FNDC3A: variants seen among roughly 807,000 people sequenced by gnomAD.
The protein encoded by FNDC3A is fibronectin type-III domain-containing protein 3A.
FNDC3A carries 32 observed loss-of-function variants against 148.9 expected under a neutral mutation model. The ratio of observed to expected loss-of-function variants is 0.21; its 90% CI spans 0.16 to 0.29. The LOEUF (loss-of-function observed/expected upper bound fraction) is 0.29. Ranked by LOEUF, FNDC3A falls within the 10% of genes least tolerant of loss-of-function variation. The pLI, the probability that FNDC3A is intolerant of heterozygous loss-of-function variation, is 1.00. For synonymous variants in FNDC3A, 472 were observed against 473.6 expected, an observed-to-expected ratio of 1.00 and a Z score of 0.04; for missense variants, 1,191 against 1,452.8, an observed-to-expected ratio of 0.82 and a Z score of 2.93.
chr13:49,119,212 CAG>C (rs1052275045), intron 4 of FNDC3A, among the ~76,000 whole-genome samples: 6 of 152,178 alleles, frequency 3.9e-5, no homozygotes, highest in Non-Finnish European at 7.3e-5. Flanking sequence ...CCCAGGCAAA[CAG>C]GGTCTGAGTG....
chr13:49,112,745 A>G (rs373312304), intron 3 of FNDC3A, among the ~76,000 whole-genome samples: 8 of 152,278 alleles, frequency 5.3e-5, no homozygotes, highest in African/African-American at 1.9e-4. Context: ...TTCCACATCT[A>G]GAAAATGGAG....
At chr13:49,016,512 C>G (rs1237497459) in intron 2 of FNDC3A, among the ~76,000 whole-genome samples, 1 of 151,806 alleles carries the variant, frequency 6.6e-6, no homozygotes, top group Admixed American at 6.6e-5. Context: ...ATTAGTCTTG[C>G]TAGTGGTCTA....
intron 1 of FNDC3A, among the ~76,000 whole-genome samples, chr13:48,979,411 A>G (rs1951660185): frequency 6.6e-6 from 1 of 152,188 alleles, no homozygotes; most frequent in Non-Finnish European, 1.5e-5. Flanking sequence ...AGTCAGAGGA[A>G]ACTTAGAAAT....
chr13:49,086,965 C>T (rs1878854323), intron 3 of FNDC3A, among the ~76,000 whole-genome samples: 1 of 152,084 alleles, frequency 6.6e-6, no homozygotes, highest in Non-Finnish European at 1.5e-5. Flanking sequence ...ATTCCGAGTA[C>T]ATTGTGTAAT....
At chr13:49,051,590 T>G (rs979924873) in intron 2 of FNDC3A, among the ~76,000 whole-genome samples, 1 of 152,226 alleles carries the variant, frequency 6.6e-6, no homozygotes, top group Admixed American at 6.5e-5. Flanking sequence ...TGCTTTTGCC[T>G]CACAGCTCTT....
At chr13:49,051,552 A>G (rs763074165) in intron 2 of FNDC3A, among the ~76,000 whole-genome samples, 5 of 152,184 alleles carry the variant, frequency 3.3e-5, no homozygotes, top group Admixed American at 6.5e-5. Context: ...TGTTAATCTG[A>G]TAAGTTTTCC....
intron 2 of FNDC3A, among the ~76,000 whole-genome samples, chr13:49,015,781 A>G (rs1206389791): frequency 1.3e-5 from 2 of 151,840 alleles, no homozygotes; most frequent in African/African-American, 2.4e-5. Context: ...CGTCCCATCA[A>G]TACCTAATTT....
chr13:49,069,903 A>G (rs1647943601), intron 2 of FNDC3A, among the ~76,000 whole-genome samples: 1 of 152,238 alleles, frequency 6.6e-6, no homozygotes, highest in South Asian at 2.1e-4. Flanking sequence ...ATTATAAGCA[A>G]AAGAAAGTAT....
At chr13:49,170,671 A>C (rs1364807090) in intron 10 of FNDC3A, among the ~76,000 whole-genome samples, 1 of 152,102 alleles carries the variant, frequency 6.6e-6, no homozygotes, top group East Asian at 1.9e-4. Context: ...ATCTGGGATG[A>C]TTTATTTGGT....
chr13:48,999,375 G>A (rs1952082838), intron 1 of FNDC3A, among the ~76,000 whole-genome samples: 1 of 152,198 alleles, frequency 6.6e-6, no homozygotes, highest in South Asian at 2.1e-4. Context: ...GGGAATGTCT[G>A]TCCTGTGCCT....
intron 2 of FNDC3A, among the ~76,000 whole-genome samples, chr13:49,007,944 C>T (rs1197821144): frequency 6.6e-6 from 1 of 152,068 alleles, no homozygotes; most frequent in Non-Finnish European, 1.5e-5. Flanking sequence ...CTGGACTGGC[C>T]TGATAGATCT....
At chr13:49,076,066 C>T (rs1160526756) in intron 3 of FNDC3A, among the ~76,000 whole-genome samples, 1 of 151,926 alleles carries the variant, frequency 6.6e-6, no homozygotes, top group African/African-American at 2.4e-5. Context: ...CTCTGGATAT[C>T]CCCAAATATT....
At position 48,986,385 on chromosome 13, in the gene FNDC3A, G is replaced by GTTTTTTTTTTTTTTTTT. The variant is rs869031197; in HGVS notation, c.-40+10220_-40+10236dup. On this transcript the variant is annotated intron_variant, in intron 1 of 25. Coordinates refer to ENST00000492622, the MANE Select transcript of FNDC3A (RefSeq NM_001079673.2). ...AAGACAGAGTAAGGAGAAGGAAGTT[G>GTTTTTTTTTTTTTTTTT]TTTTTTTTTTTTTTTTTTTTTTTTT... Among the ~76,000 whole-genome samples the GTTTTTTTTTTTTTTTTT allele has an allele frequency of 7.4e-5, 4 of 54,420 alleles. 1 individual carries two copies. Among genetic ancestry groups the GTTTTTTTTTTTTTTTTT allele is most frequent in the African/African-American group, 3.1e-4 (4 of 12,850 alleles). The allele number at this position is 54,420 out of a possible 152,430, so 35.7% of individuals were successfully genotyped here.
At position 49,208,573 on chromosome 13, in the gene FNDC3A, T is replaced by C. The variant is rs1886758037; in HGVS notation, c.*1178T>C. On this transcript the variant is annotated 3_prime_UTR_variant, in exon 26 of 26. Coordinates refer to ENST00000492622, the MANE Select transcript of FNDC3A (RefSeq NM_001079673.2). ...AATGTTGCATTAGAGCACTTTGCAA[T>C]TGCATAATTCATTAATGTTTTGTGA... is the stretch of plus-strand genomic sequence containing the variant. 1 of 152,664 alleles carries C rather than the reference T, an allele frequency of 6.6e-6. No individual in the cohort carries two copies. Among genetic ancestry groups the C allele is most frequent in the African/African-American group, 2.4e-5 (1 of 41,446 alleles). 9.5% of individuals were successfully genotyped at this position (152,664 alleles called of 1,614,324 possible).
intron 8 of FNDC3A, among the ~76,000 whole-genome samples, chr13:49,152,004 G>C (rs1175388283): frequency 1.3e-5 from 2 of 152,146 alleles, no homozygotes; most frequent in African/African-American, 4.8e-5. Context: ...TTGATTCCAA[G>C]TCCTTGCTAT....
At chr13:49,019,883 G>T (rs371325018) in intron 2 of FNDC3A, among the ~76,000 whole-genome samples, 1 of 152,078 alleles carries the variant, frequency 6.6e-6, no homozygotes, top group African/African-American at 2.4e-5. Flanking sequence ...GGTTAAATTT[G>T]TGTTTGTTTA....
intron 2 of FNDC3A, among the ~76,000 whole-genome samples, chr13:49,041,294 G>A (rs1284110133): frequency 1.3e-5 from 2 of 152,076 alleles, no homozygotes; most frequent in Non-Finnish European, 2.9e-5. Flanking sequence ...TATTTCAGTT[G>A]ATATTTACTC....
chr13:49,093,228 C>CAG (rs1879303714), intron 3 of FNDC3A, among the ~76,000 whole-genome samples: 5 of 152,142 alleles, frequency 3.3e-5, no homozygotes, highest in Non-Finnish European at 7.4e-5. Context: ...GTAGCACTTA[C>CAG]AACTGCCCCA....
At chr13:49,190,209 A>G (rs1262603965) in intron 17 of FNDC3A, among the ~76,000 whole-genome samples, 1 of 152,196 alleles carries the variant, frequency 6.6e-6, no homozygotes, top group Non-Finnish European at 1.5e-5. Flanking sequence ...TTTTTAACAG[A>G]GTGTCTTTAA....
Sources: gnomAD v4.1 joint callset for allele counts (sites outside exome capture counted in the v4.1 genomes callset) on GRCh38, gnomAD v4.1.1 for gene constraint, MANE v1.5 for transcripts, NCBI Gene and HGNC (gene_info 2026-07-23, HGNC 2026-07-21) for gene names.